FBXO34: variants seen among roughly 807,000 people sequenced by gnomAD.
FBXO34 encodes F-box protein 34, also known as F-box only protein 34.
In FBXO34, 12 loss-of-function variants were observed where a neutral mutation model predicts 24.5. The observed-to-expected ratio is 0.49, with a 90% CI of 0.31 to 0.79. The LOEUF is 0.79. Ranked by LOEUF, FBXO34 falls within the 30% of genes least tolerant of loss-of-function variation. FBXO34 has a pLI of 0.04. For missense variants in FBXO34, 823 were observed against 857.7 expected (o/e 0.96, Z 0.51); for synonymous variants, 320 against 311.9 (o/e 1.03, Z -0.27).
At chr14:55,381,903 G>C in the FBXO34 span, 4 of 1,458,034 alleles carry the variant, frequency 2.7e-6, no homozygotes, top group Admixed American at 7.0e-5. Flanking sequence ...ATTTTGTTAT[G>C]TCAATTTTAC....
chr14:55,415,104 C>A, the FBXO34 span, among the ~76,000 whole-genome samples: 2 of 152,178 alleles, frequency 1.3e-5, no homozygotes, highest in African/African-American at 2.4e-5. Flanking sequence ...CACCAACAAC[C>A]AAACACCACC....
the FBXO34 span, among the ~76,000 whole-genome samples, chr14:55,437,911 G>T: frequency 6.6e-6 from 1 of 152,324 alleles, no homozygotes; most frequent in Admixed American, 6.5e-5. Context: ...AACTTAAATG[G>T]TAAGAATAGT....
the FBXO34 span, chr14:55,436,697 G>A: frequency 3.1e-6 from 5 of 1,614,102 alleles, no homozygotes; most frequent in African/African-American, 6.7e-5. Flanking sequence ...CCAGGGTGCA[G>A]CTGTGAATGG....
At chr14:55,362,764 T>A (rs543522971), downstream of FBXO34, among the ~76,000 whole-genome samples, 45 of 152,264 alleles carry the variant, frequency 3.0e-4, no homozygotes, top group Middle Eastern at 3.4e-3. Flanking sequence ...CCATCTACCA[T>A]CAAACCACTT....
At chr14:55,280,781 C>T (rs924276354) in intron 1 of FBXO34, among the ~76,000 whole-genome samples, 1 of 152,086 alleles carries the variant, frequency 6.6e-6, no homozygotes, top group East Asian at 1.9e-4. Flanking sequence ...CCGCCTCAGC[C>T]TTCCGAAGTG....
the FBXO34 span, among the ~76,000 whole-genome samples, chr14:55,406,964 CTT>C: frequency 2.2e-4 from 31 of 141,314 alleles, no homozygotes; most frequent in Admixed American, 4.2e-4. Context: ...TTGAGATTGT[CTT>C]TTTTTTTTTT....
chr14:55,369,866 C>T, downstream of FBXO34: 1 of 1,614,176 alleles, frequency 6.2e-7, no homozygotes, highest in Non-Finnish European at 8.5e-7. Context: ...TCCAGCAACT[C>T]CGGGATCCAC....
the FBXO34 span, among the ~76,000 whole-genome samples, chr14:55,391,644 C>A: frequency 6.6e-6 from 1 of 152,110 alleles, no homozygotes; most frequent in African/African-American, 2.4e-5. Context: ...CATACAAAAT[C>A]AAAAATTCAG....
At chr14:55,393,270 A>G in the FBXO34 span, among the ~76,000 whole-genome samples, 3 of 152,004 alleles carry the variant, frequency 2.0e-5, no homozygotes, top group East Asian at 5.8e-4. Context: ...CTGTAGTCCC[A>G]GCTACTCGGG....
At position 55,296,387 on chromosome 14, in the gene FBXO34, TTTTG is replaced by T. The variant is rs1566544371; in HGVS notation, c.-11+24854_-11+24857del. Among the ~76,000 whole-genome samples the T allele has an allele frequency of 4.4e-4, 49 of 111,778 alleles. 1 individual carries two copies. The highest frequency in any genetic ancestry group is 6.1e-4 in the South Asian group (2 of 3,258). 73.3% of individuals were successfully genotyped at this position (111,778 alleles called of 152,430 possible). On this transcript the variant is annotated intron_variant, in intron 1 of 1. Transcript: ENST00000313833. ...GTAGGTTTTGCTGTTCTTGTGTTTT[TTTTG>T]TTTTTTTTTTTTTTTTTTTTTTTTG...
chr14:55,336,263 C>T (rs939188230), intron 1 of FBXO34, among the ~76,000 whole-genome samples: 2 of 152,080 alleles, frequency 1.3e-5, no homozygotes, highest in African/African-American at 4.8e-5. Context: ...AAATTGCTTT[C>T]TGATTTATTT....
At chr14:55,305,470 G>A (rs1882510514) in intron 1 of FBXO34, among the ~76,000 whole-genome samples, 1 of 151,572 alleles carries the variant, frequency 6.6e-6, no homozygotes, top group African/African-American at 2.4e-5. Context: ...TGAGGCGAGT[G>A]GATCACTTGA....
chr14:55,400,909 TAAATAAAATAAAATAAAATA>T, the FBXO34 span, among the ~76,000 whole-genome samples: 65 of 143,358 alleles, frequency 4.5e-4, no homozygotes, highest in South Asian at 4.2e-3. Flanking sequence ...CTCAAATAAA[TAAATAAAATAAAATAAAATA>T]AAATAAAATA....
the FBXO34 span, among the ~76,000 whole-genome samples, chr14:55,375,831 T>A: frequency 6.6e-6 from 1 of 152,248 alleles, no homozygotes. Context: ...GCATCCTTGA[T>A]TGTTCCTATG....
chr14:55,363,021 C>CTTTT (rs774134598), downstream of FBXO34, among the ~76,000 whole-genome samples: 66 of 122,528 alleles, frequency 5.4e-4, no homozygotes, highest in African/African-American at 1.8e-3. Flanking sequence ...TTTTCTCTCT[C>CTTTT]TCTTTTTTTT....
chr14:55,430,819 T>C, the FBXO34 span, among the ~76,000 whole-genome samples: 1 of 152,220 alleles, frequency 6.6e-6, no homozygotes. Context: ...AGGTTAGCAG[T>C]AAAATAAACT....
chr14:55,441,648 G>A, the FBXO34 span, among the ~76,000 whole-genome samples: 2 of 152,186 alleles, frequency 1.3e-5, no homozygotes, highest in Admixed American at 6.5e-5. Context: ...GAAATCTCAC[G>A]AAAATAACGC....
chr14:55,367,304 ACT>A (rs1229179995), exon 3 of FBXO34: 2 of 152,210 alleles, frequency 1.3e-5, no homozygotes, highest in Non-Finnish European at 2.9e-5. Flanking sequence ...TAGCTAGACA[ACT>A]CTTACAAGAT....
the FBXO34 span, among the ~76,000 whole-genome samples, chr14:55,432,285 T>C: frequency 6.7e-6 from 1 of 148,574 alleles, no homozygotes; most frequent in East Asian, 2.0e-4. Context: ...TGGTGGTGCA[T>C]ACCTGTGGTC....
Sources: allele counts gnomAD v4.1 joint callset (sites outside exome capture counted in the v4.1 genomes callset), GRCh38; gene constraint gnomAD v4.1.1; transcripts MANE v1.5; gene names NCBI Gene and HGNC (gene_info 2026-07-23, HGNC 2026-07-21).